TSHZ2: variants seen among roughly 807,000 people sequenced by gnomAD.
TSHZ2 encodes the protein teashirt zinc finger homeobox 2.
TSHZ2 carries 21 observed loss-of-function variants against 74.4 expected under a neutral mutation model. The observed-to-expected ratio is 0.28, with a 90% CI of 0.20 to 0.41. TSHZ2 has a LOEUF of 0.41. Ranked by LOEUF, TSHZ2 falls within the 10% of genes least tolerant of loss-of-function variation. The probability of loss-of-function intolerance (pLI) is 1.00; values close to 1 mark genes in which losing one functional copy is unlikely to be tolerated. For missense variants in TSHZ2, 1,244 were observed against 1,293.5 expected (o/e 0.96, Z 0.59); for synonymous variants, 540 against 515.3 (o/e 1.05, Z -0.65).
rs938683671 is a variant in TSHZ2, at chr20:53,063,171, G to GA, written c.40+89844dup. On this transcript the variant is annotated intron_variant, in intron 1 of 2. Coordinates refer to ENST00000371497, the MANE Select transcript of TSHZ2 (RefSeq NM_173485.6). The stretch of plus-strand genomic sequence containing the variant: ...GACTTGAAGTGAGCATGTGCTATTG[G>GA]AAAAAATGGTACTAATAAACTTACT... 2.0e-5 allele frequency among the ~76,000 whole-genome samples: 3 copies of GA among 152,162 alleles called. No homozygotes were observed. The East Asian group carries it at 5.8e-4, about 29-fold the overall frequency.
intron 1 of TSHZ2, among the ~76,000 whole-genome samples, chr20:53,175,514 C>T (rs555966888): frequency 3.3e-4 from 50 of 152,136 alleles, no homozygotes; most frequent in Non-Finnish European, 6.3e-4. Context: ...AGGAAACACA[C>T]CCTTGTGCTT....
rs907952144 is a variant in TSHZ2, at chr20:53,260,042, CCTTCTTTCCTTCCTTCCTTTTTT to C, written c.*8+3488_*8+3510del. 4.0e-5 allele frequency among the ~76,000 whole-genome samples: 6 copies of C among 150,802 alleles called. No individual in the cohort carries two copies. In the South Asian group the frequency reaches 1.0e-3, roughly 26 times the overall value. ...TTGTTCCTTCATTCCTTCCTCTTTC[CCTTCTTTCCTTCCTTCCTTTTTT>C]CTTCTTTCCTTCCTTCTTTTCTTCC... On this transcript the variant is annotated intron_variant, in intron 2 of 2. Coordinates refer to ENST00000371497, the MANE Select transcript of TSHZ2 (RefSeq NM_173485.6).
intron 1 of TSHZ2, among the ~76,000 whole-genome samples, chr20:52,979,003 C>T (rs1450016255): frequency 1.3e-5 from 2 of 151,884 alleles, no homozygotes; most frequent in Non-Finnish European, 1.5e-5. Flanking sequence ...TAGAAATTCT[C>T]ACATTCCTTA....
chr20:53,459,674 A>C (rs566921081), intron 2 of TSHZ2, among the ~76,000 whole-genome samples: 1 of 142,520 alleles, frequency 7.0e-6, no homozygotes, highest in East Asian at 2.0e-4. Flanking sequence ...ACATTTTGGC[A>C]TGATTTTGCA....
chr20:53,313,073 G>T (rs550689209), intron 2 of TSHZ2, among the ~76,000 whole-genome samples: 1 of 152,230 alleles, frequency 6.6e-6, no homozygotes, highest in Admixed American at 6.5e-5. Flanking sequence ...AAAAATTCCC[G>T]GGAAGGTTTC....
intron 1 of TSHZ2, among the ~76,000 whole-genome samples, chr20:53,086,104 G>T (rs985478699): frequency 6.6e-6 from 1 of 152,314 alleles, no homozygotes; most frequent in South Asian, 2.1e-4. Flanking sequence ...GGTGCCAGCT[G>T]CCCACTGTGC....
intron 1 of TSHZ2, among the ~76,000 whole-genome samples, chr20:53,008,198 A>G (rs991755466): frequency 6.6e-6 from 1 of 152,228 alleles, no homozygotes; most frequent in Admixed American, 6.5e-5. Flanking sequence ...GAAGAAAAAA[A>G]TAAAGGGAAG....
intron 1 of TSHZ2, among the ~76,000 whole-genome samples, chr20:53,155,122 T>C (rs1407955335): frequency 1.3e-5 from 2 of 149,606 alleles, no homozygotes; most frequent in Non-Finnish European, 3.0e-5. Flanking sequence ...TTCTGGCAAA[T>C]ATTTCCTGAG....
At chr20:53,258,769 T>A (rs1467055965) in intron 2 of TSHZ2, among the ~76,000 whole-genome samples, 2 of 152,198 alleles carry the variant, frequency 1.3e-5, no homozygotes, top group East Asian at 3.8e-4. Context: ...AATTTGGACC[T>A]CGAAAGCACC....
chr20:53,014,688 A>G (rs1982973672), intron 1 of TSHZ2, among the ~76,000 whole-genome samples: 1 of 151,944 alleles, frequency 6.6e-6, no homozygotes. Context: ...TTTTGTATCT[A>G]TCTCTTGTTA....
Position 53,106,678 on chromosome 20 carries a change from G to A in TSHZ2, c.40+133345G>A, listed in dbSNP as rs150443253. On this transcript the variant is annotated intron_variant, in intron 1 of 2. Coordinates refer to ENST00000371497, the MANE Select transcript of TSHZ2 (RefSeq NM_173485.6). ...CTCCCAAAGTGCTGGGATTACAGGC[G>A]TGAGCCACCACGCAGGGCATTTTTT... is the stretch of plus-strand genomic sequence containing the variant. Among the ~76,000 whole-genome samples the A allele has an allele frequency of 5.5e-3, 823 of 149,126 alleles. 7 individuals are homozygous for A. Among genetic ancestry groups the A allele is most frequent in the African/African-American group, 0.019 (783 of 40,274 alleles).
chr20:53,229,030 C>T (rs1358626072), intron 1 of TSHZ2, among the ~76,000 whole-genome samples: 3 of 152,204 alleles, frequency 2.0e-5, no homozygotes, highest in Non-Finnish European at 4.4e-5. Flanking sequence ...AGTCAACACA[C>T]TCTTTGCACC....
At chr20:53,214,441 C>T (rs908377445) in intron 1 of TSHZ2, among the ~76,000 whole-genome samples, 4 of 152,216 alleles carry the variant, frequency 2.6e-5, no homozygotes, top group East Asian at 3.8e-4. Flanking sequence ...TGCGAGGGCT[C>T]ACGCCTGTAA....
intron 1 of TSHZ2, among the ~76,000 whole-genome samples, chr20:53,168,424 G>C (rs1227632020): frequency 1.3e-5 from 2 of 152,174 alleles, no homozygotes; most frequent in African/African-American, 4.8e-5. Context: ...AACTCCAAAA[G>C]AGTTAAAATC....
At chr20:53,137,208 AC>A (rs1987267081) in intron 1 of TSHZ2, among the ~76,000 whole-genome samples, 1 of 152,216 alleles carries the variant, frequency 6.6e-6, no homozygotes, top group South Asian at 2.1e-4. Context: ...TTTACAAAAT[AC>A]CAAGAAAACT....
At chr20:53,108,752 C>T (rs1015343651) in intron 1 of TSHZ2, among the ~76,000 whole-genome samples, 1 of 152,168 alleles carries the variant, frequency 6.6e-6, no homozygotes, top group African/African-American at 2.4e-5. Context: ...TTTGAGTTTT[C>T]CCACAACCAA....
chr20:53,117,791 G>A (rs748369944), intron 1 of TSHZ2, among the ~76,000 whole-genome samples: 1 of 152,190 alleles, frequency 6.6e-6, no homozygotes, highest in Non-Finnish European at 1.5e-5. Flanking sequence ...GCACCACTTG[G>A]GTTCTAAGTA....
chr20:53,256,603 C>T lies in TSHZ2; in HGVS notation c.*8+32C>T. ...GTTTGCTCTGAGGCATTGCGATTAG[C>T]CTGGTGAGGAGCTTTCTTACAGGGA... On this transcript the variant is annotated intron_variant, in intron 2 of 2. Transcript: ENST00000371497. The surrounding 1 kb of genome is among the most constrained non-coding windows in gnomAD (Gnocchi z 4.3). 6.5e-7 allele frequency: 1 copy of T among 1,527,918 alleles called. No individual in the cohort carries two copies. The highest frequency in any genetic ancestry group is 8.8e-7 in the Non-Finnish European group (1 of 1,134,662). The allele number at this position is 1,527,918 out of a possible 1,614,324, so 94.6% of individuals were successfully genotyped here.
intron 2 of TSHZ2, among the ~76,000 whole-genome samples, chr20:53,301,998 G>A (rs753570481): frequency 5.3e-5 from 8 of 152,342 alleles, no homozygotes; most frequent in Admixed American, 1.3e-4. Context: ...TACCCAGGGA[G>A]GCCGCGGGGA....
Sources: gnomAD v4.1 joint callset for allele counts (sites outside exome capture counted in the v4.1 genomes callset) on GRCh38, gnomAD v4.1.1 for gene constraint, Gnocchi (gnomAD v3.1) non-coding constraint, MANE v1.5 for transcripts, NCBI Gene and HGNC (gene_info 2026-07-23, HGNC 2026-07-21) for gene names.